The following MMUT variants were observed in gnomAD, a reference collection of about 807,000 sequenced individuals.
MMUT encodes methylmalonyl-CoA mutase, also known as methylmalonyl-CoA mutase, mitochondrial.
MMUT carries 79 observed loss-of-function variants against 79.9 expected under a neutral mutation model. That is an observed-to-expected ratio of 0.99 (90% confidence interval 0.82 to 1.19). MMUT has a LOEUF of 1.19. MMUT is among the 50% of genes most tolerant of loss of function. The pLI, the probability that MMUT is intolerant of heterozygous loss-of-function variation, is 0.00. For synonymous variants in MMUT, 273 were observed against 295.7 expected, an observed-to-expected ratio of 0.92 and a Z score of 0.79; for missense variants, 860 against 917.2, an observed-to-expected ratio of 0.94 and a Z score of 0.81.
intron 6 of MMUT, 122 bp downstream of exon 6, chr6:49,451,344 T>C: frequency 8.7e-7 from 1 of 1,149,932 alleles, no homozygotes. Context: ...ATTATATAAA[T>C]CTGTAAGTGA....
chr6:49,458,817 T>C (rs1581835697), intron 2 of MMUT, among the ~76,000 whole-genome samples: 1 of 152,322 alleles, frequency 6.6e-6, no homozygotes, highest in East Asian at 1.9e-4. Context: ...AGCTAATGTC[T>C]TCTTTTCTTC....
At position 49,431,584 on chromosome 6, in the gene MMUT, C is replaced by G; in HGVS notation, c.*144G>C. On this transcript the variant is annotated 3_prime_UTR_variant, in exon 13 of 13. Transcript: ENST00000274813. ...TACATACTTATAGCATGACACCAGG[C>G]CTATAAGTAAGGTATTTTAAAGTAA... 1.3e-6 allele frequency: 1 copy of G among 788,432 alleles called. No individual in the cohort carries two copies. The highest frequency in any genetic ancestry group is 2.1e-6 in the Non-Finnish European group (1 of 487,376). The allele number at this position is 788,432 out of a possible 1,614,324, so 48.8% of individuals were successfully genotyped here. A position where few individuals can be genotyped will look rare whatever the true frequency, so the allele number is the denominator to read the frequency against.
intron 1 of MMUT, among the ~76,000 whole-genome samples, chr6:49,460,517 G>A (rs968350582): frequency 6.6e-6 from 1 of 152,088 alleles, no homozygotes; most frequent in Non-Finnish European, 1.5e-5. Context: ...TAGGTTGCTG[G>A]GTTCAGCGTC....
rs1767232602 is a variant in MMUT, at chr6:49,440,116, T to C, written c.1956+90A>G. 6.0e-6 allele frequency: 9 copies of C among 1,508,646 alleles called. No homozygotes were observed. The South Asian group carries it at 1.0e-4, about 17-fold the overall frequency. 93.5% of individuals were successfully genotyped at this position (1,508,646 alleles called of 1,614,324 possible). A position where few individuals can be genotyped will look rare whatever the true frequency, so the allele number is the denominator to read the frequency against. ...ACCAGTTACCAGGAGATGTATTAAT[T>C]TGCTCAATGTCTGTCATCATTTTAC... is the stretch of plus-strand genomic sequence containing the variant. On this transcript the variant is annotated intron_variant, in intron 11 of 12. Coordinates refer to ENST00000274813, the MANE Select transcript of MMUT (RefSeq NM_000255.4).
chr6:49,444,295 G>A (rs1225884376), intron 9 of MMUT, among the ~76,000 whole-genome samples: 1 of 152,006 alleles, frequency 6.6e-6, no homozygotes, highest in Non-Finnish European at 1.5e-5. Flanking sequence ...CCACCCCACA[G>A]CCATTTTAAC....
Position 49,459,210 on chromosome 6 carries a change from G to A in MMUT, c.257C>T (p.Pro86Leu), listed in dbSNP as rs769348060. The A allele has an allele frequency of 1.9e-5, 31 of 1,614,050 alleles. No individual in the cohort carries two copies. The highest frequency in any genetic ancestry group is 4.4e-5 in the South Asian group (4 of 91,090). The part of the protein sequence containing the change: ...RDTMDLPEEL[P>L]GVKPFTRGPY... Reference sequence around the variant, plus strand: ...TCCACGTGTGAATGGCTTCACTCCTGGAAGTTCTTCAGGTAAGTCCATAGT... The same window carrying A: ...TCCACGTGTGAATGGCTTCACTCCTAGAAGTTCTTCAGGTAAGTCCATAGT... The change falls in exon 2 of 13, where the codon CCA becomes CTA. Residue 86 changes from proline to leucine, a missense_variant. By Grantham distance (98) the Pro-to-Leu change is moderately conservative. Transcript: ENST00000274813.
At chr6:49,458,896 A>C (rs1037557610) in intron 2 of MMUT, among the ~76,000 whole-genome samples, 186 bp downstream of exon 2, 2 of 152,168 alleles carry the variant, frequency 1.3e-5, no homozygotes, top group African/African-American at 4.8e-5. Context: ...AAAATTTAGC[A>C]CCTTATTCTA....
At chr6:49,458,395 T>C (rs933431444) in intron 2 of MMUT, among the ~76,000 whole-genome samples, 1 of 152,208 alleles carries the variant, frequency 6.6e-6, no homozygotes, top group Non-Finnish European at 1.5e-5. Context: ...GATCTGGCTG[T>C]TCATATATGG....
chr6:49,453,856 T>A (rs939644837), intron 4 of MMUT, 100 bp from the exon 5 acceptor site: 2 of 1,041,184 alleles, frequency 1.9e-6, no homozygotes, highest in East Asian at 4.9e-5. Flanking sequence ...AAGGTCTATA[T>A]TTTAATTTCG....
chr6:49,451,057 T>C (rs1767538419), intron 6 of MMUT, among the ~76,000 whole-genome samples: 1 of 152,180 alleles, frequency 6.6e-6, no homozygotes, highest in South Asian at 2.1e-4. Context: ...TCATGTGTAA[T>C]GTCTACAGTT....
chr6:49,456,281 T>C, intron 3 of MMUT, 44 bp from the exon 4 acceptor site: 1 of 1,333,792 alleles, frequency 7.5e-7, no homozygotes, highest in Non-Finnish European at 1.1e-6. Flanking sequence ...GTAAAAATAT[T>C]AAAAGGTCCT....
At chr6:49,444,786 A>G in intron 8 of MMUT, 32 bp from the exon 9 acceptor site, 2 of 1,517,444 alleles carry the variant, frequency 1.3e-6, no homozygotes, top group Non-Finnish European at 1.8e-6. Flanking sequence ...GGGACAATTT[A>G]CATGAAGAGA....
chr6:49,438,635 A>T (rs6918347), intron 11 of MMUT, among the ~76,000 whole-genome samples: 1 of 151,904 alleles, frequency 6.6e-6, no homozygotes. Context: ...TTAATACTCC[A>T]TGTCAACTTG....
chr6:49,463,197 C>G lies in MMUT; in HGVS notation c.-134G>C, dbSNP rs776764666. ...CAGACATCCACACAGCCAGGCCTCC[C>G]CGCCCTCACCAAGCCCACACAAACC... is the stretch of plus-strand genomic sequence containing the variant. On this transcript the variant is annotated 5_prime_UTR_variant, in exon 1 of 13. Transcript: ENST00000274813. 3 of 152,504 alleles carry G rather than the reference C, an allele frequency of 2.0e-5. No homozygotes were observed. Among genetic ancestry groups the G allele is most frequent in the Non-Finnish European group, 4.4e-5 (3 of 68,182 alleles). The allele number at this position is 152,504 out of a possible 1,614,324, so 9.4% of individuals were successfully genotyped here.
intron 11 of MMUT, among the ~76,000 whole-genome samples, chr6:49,438,660 A>C (rs1301349787): frequency 6.6e-6 from 1 of 152,168 alleles, no homozygotes; most frequent in East Asian, 1.9e-4. Flanking sequence ...AAGGATACAA[A>C]GTATTGACCC....
chr6:49,448,539 AAC>A (rs1188762727), intron 7 of MMUT, among the ~76,000 whole-genome samples: 3 of 152,090 alleles, frequency 2.0e-5, no homozygotes, highest in Non-Finnish European at 4.4e-5. Flanking sequence ...TGTGATCATC[AAC>A]AGTGTCATCT....
At position 49,459,268 on chromosome 6, in the gene MMUT, T is replaced by C. The variant is rs540830529; in HGVS notation, c.199A>G (p.Ile67Val). 6.2e-7 allele frequency: 1 copy of C among 1,614,182 alleles called. No individual in the cohort carries two copies. Among genetic ancestry groups the C allele is most frequent in the East Asian group, 2.2e-5 (1 of 44,860 alleles). ...TTGGAATACAAGGGTTTTATAGAGA[T>C]CCCTTCCGGGGTGTGCCATATTAGG... ...EDLIWHTPEG[I>V]SIKPLYSKRD... Residue 67 changes from isoleucine to valine, a missense_variant, in exon 2 of 13, where the codon ATC becomes GTC. Coordinates refer to ENST00000274813, the MANE Select transcript of MMUT (RefSeq NM_000255.4).
chr6:49,453,064 G>A (rs748330056), intron 5 of MMUT, among the ~76,000 whole-genome samples: 4 of 117,630 alleles, frequency 3.4e-5, no homozygotes, highest in East Asian at 2.6e-4. Context: ...TTTTTTAGAC[G>A]TAGTTGTGCT....
chr6:49,451,789 T>A, intron 5 of MMUT, 75 bp from the exon 6 acceptor site: 1 of 1,424,536 alleles, frequency 7.0e-7, no homozygotes, highest in Non-Finnish European at 9.8e-7. Flanking sequence ...GCAACATGAT[T>A]AAACAGCAAC....
Sources: gnomAD v4.1 joint callset for allele counts (sites outside exome capture counted in the v4.1 genomes callset) on GRCh38, gnomAD v4.1.1 for gene constraint, MANE v1.5 for transcripts, NCBI Gene and HGNC (gene_info 2026-07-23, HGNC 2026-07-21) for gene names.